Variants in DOCK8 observed in about 807,000 individuals in gnomAD.
The protein encoded by DOCK8 is dedicator of cytokinesis protein 8.
Under a neutral mutation model 245.6 loss-of-function variants are expected in DOCK8, and 141 were observed. The ratio of observed to expected loss-of-function variants is 0.57; its 90% CI spans 0.50 to 0.66. The LOEUF is 0.66. Ranked by LOEUF, DOCK8 falls within the 30% of genes least tolerant of loss-of-function variation. The pLI, the probability that DOCK8 is intolerant of heterozygous loss-of-function variation, is 0.00. For synonymous variants in DOCK8, 1,168 were observed against 970.2 expected (o/e 1.20, Z -3.79); for missense variants, 2,965 against 2,603.4 (o/e 1.14, Z -3.02).
intron 11 of DOCK8, among the ~76,000 whole-genome samples, 178 bp from the exon 12 acceptor site, chr9:336,404 A>G (rs147982463): frequency 1.5e-4 from 23 of 152,300 alleles, no homozygotes; most frequent in African/African-American, 5.3e-4. Context: ...GATTAAGGAC[A>G]CCAACAGGAG....
intron 6 of DOCK8, among the ~76,000 whole-genome samples, chr9:315,132 C>T (rs546055158): frequency 6.6e-6 from 1 of 152,260 alleles, no homozygotes; most frequent in South Asian, 2.1e-4. Context: ...CTTGGCTCAC[C>T]TAAGAAAATC....
Position 214,965 on chromosome 9 carries a change from C to G in DOCK8, c.-12C>G, listed in dbSNP as rs769683861. 6.2e-7 allele frequency: 1 copy of G among 1,602,178 alleles called. No individual in the cohort carries two copies. The highest frequency in any genetic ancestry group is 8.5e-7 in the Non-Finnish European group (1 of 1,176,678). ...CCCGCGACCCTAGAAGCCACCGAAC[C>G]GCCGGCGGGCCATGGCCACTCTGCC... On this transcript the variant is annotated 5_prime_UTR_variant, in exon 1 of 48. Coordinates refer to ENST00000432829, the MANE Select transcript of DOCK8 (RefSeq NM_203447.4).
At chr9:424,696 C>G (rs2131672419) in intron 33 of DOCK8, among the ~76,000 whole-genome samples, 1 of 152,290 alleles carries the variant, frequency 6.6e-6, no homozygotes, top group Middle Eastern at 3.4e-3. Flanking sequence ...AGGCATGAGC[C>G]ACTGCGCCTG....
chr9:394,145 C>G (rs1231375429), intron 24 of DOCK8, among the ~76,000 whole-genome samples: 1 of 152,158 alleles, frequency 6.6e-6, no homozygotes, highest in African/African-American at 2.4e-5. Context: ...TAATGATCCC[C>G]TTGTTTGTGC....
At chr9:443,245 G>C (rs911446308) in intron 42 of DOCK8, among the ~76,000 whole-genome samples, 182 bp from the exon 43 acceptor site, 7 of 152,184 alleles carry the variant, frequency 4.6e-5, no homozygotes, top group African/African-American at 1.7e-4. Flanking sequence ...CCAGTTGACA[G>C]TGCTATTTTT....
chr9:403,915 T>TATATAC (rs1431314560), intron 26 of DOCK8, among the ~76,000 whole-genome samples: 1 of 81,268 alleles, frequency 1.2e-5, no homozygotes, highest in African/African-American at 7.5e-5. Flanking sequence ...TATATATATA[T>TATATAC]ACATATATAT....
rs1320247207 is a variant in DOCK8, at chr9:215,046, G to A, written c.53+17G>A. The A allele has an allele frequency of 5.7e-6, 9 of 1,567,106 alleles. No homozygotes were observed. Among genetic ancestry groups the A allele is most frequent in the Non-Finnish European group, 6.9e-6 (8 of 1,164,830 alleles). Reference sequence around the variant, plus strand: ...GATCAACAGGTAAGACGCCCCCCGCGGCGCGCAGGTTGCGGCCGGACAGCC... The same window carrying A: ...GATCAACAGGTAAGACGCCCCCCGCAGCGCGCAGGTTGCGGCCGGACAGCC... On this transcript the variant is annotated intron_variant, in intron 1 of 47. Transcript: ENST00000432829.
At chr9:239,198 TACAC>T (rs530820594) in intron 1 of DOCK8, among the ~76,000 whole-genome samples, 49 of 152,292 alleles carry the variant, frequency 3.2e-4, no homozygotes, top group East Asian at 2.1e-3. Flanking sequence ...CTGAAACACA[TACAC>T]ACACGCATGG....
At chr9:359,717 C>T (rs939017739) in intron 14 of DOCK8, among the ~76,000 whole-genome samples, 11 of 151,204 alleles carry the variant, frequency 7.3e-5, no homozygotes, top group Admixed American at 5.9e-4. Context: ...CCAACCTTTT[C>T]CTGTAGTTTT....
intron 46 of DOCK8, chr9:458,182 C>G (rs1325740255): frequency 3.3e-5 from 5 of 152,176 alleles, no homozygotes; most frequent in Admixed American, 2.6e-4. Flanking sequence ...ATCAGAGACC[C>G]TGGTTCTTTT....
intron 1 of DOCK8, among the ~76,000 whole-genome samples, chr9:234,986 T>C (rs2047211648): frequency 2.0e-5 from 3 of 152,204 alleles, no homozygotes; most frequent in Non-Finnish European, 1.5e-5. Context: ...ATTTTTAGAG[T>C]TTCCAGTTTT....
chr9:379,900 G>A lies in DOCK8; in HGVS notation c.2570G>A (p.Arg857His), dbSNP rs754604696. 7 of 1,613,980 alleles carry A rather than the reference G, an allele frequency of 4.3e-6. No individual in the cohort carries two copies. Among genetic ancestry groups the A allele is most frequent in the African/African-American group, 1.3e-5 (1 of 74,946 alleles). The change falls in exon 21 of 48, where the codon CGC (arginine) becomes CAC (histidine). Residue 857 changes from arginine to histidine, a missense_variant. This residue lies in a region of DOCK8 where 2,825 missense variants were observed against 2,453.5 expected (regional missense o/e 1.15). Coordinates refer to ENST00000432829, the MANE Select transcript of DOCK8 (RefSeq NM_203447.4). ...GCTTCCTACGTGCACTACGTCTTCC[G>A]CCTGCCAGAGGTGCAAAGGGATGTG... is the stretch of plus-strand genomic sequence containing the variant. ...LLASYVHYVF[R>H]LPEVQRDVPK...
intron 1 of DOCK8, among the ~76,000 whole-genome samples, chr9:244,593 C>A (rs1322427297): frequency 6.6e-6 from 1 of 152,088 alleles, no homozygotes; most frequent in Non-Finnish European, 1.5e-5. Context: ...GTTTTGCTCA[C>A]CTTTGAATTT....
intron 1 of DOCK8, among the ~76,000 whole-genome samples, chr9:238,342 T>A (rs1251901138): frequency 5.9e-5 from 9 of 152,162 alleles, no homozygotes; most frequent in Non-Finnish European, 1.3e-4. Flanking sequence ...AAAGACATAT[T>A]AATGAAACAT....
rs201519202 is a variant in DOCK8 at position 433,903 on chromosome 9, G to C, written c.4814G>C (p.Ser1605Thr). Reference sequence around the variant, plus strand: ...GAGGAACTTCTCTGTAATCTGAATAGCATCTTATATGACACAGTGAAAATG... The same window carrying C: ...GAGGAACTTCTCTGTAATCTGAATACCATCTTATATGACACAGTGAAAATG... ...QVEELLCNLN[S>T]ILYDTVKMRE... Residue 1605 changes from serine (S) to threonine (T), a missense_variant, in exon 38 of 48, where the codon AGC becomes ACC. Transcript: ENST00000432829. 1.9e-6 allele frequency: 3 copies of C among 1,614,062 alleles called. No individual in the cohort carries two copies. The highest frequency in any genetic ancestry group is 2.5e-6 in the Non-Finnish European group (3 of 1,179,950).
At chr9:248,300 G>A (rs187401618) in intron 1 of DOCK8, among the ~76,000 whole-genome samples, 44 of 152,316 alleles carry the variant, frequency 2.9e-4, no homozygotes, top group Middle Eastern at 3.4e-3. Context: ...CCTTTAAGCC[G>A]TCAATACTGA....
At chr9:428,278 A>G in intron 34 of DOCK8, 84 bp from the exon 35 acceptor site, 1 of 1,605,662 alleles carries the variant, frequency 6.2e-7, no homozygotes, top group East Asian at 2.2e-5. Context: ...ATGGAACATC[A>G]GCATTACTGA....
At position 280,571 on chromosome 9, in the gene DOCK8, C is replaced by G. The variant is rs556107945; in HGVS notation, c.157-5890C>G. Among the ~76,000 whole-genome samples the G allele has an allele frequency of 3.3e-5, 5 of 152,342 alleles. No individual in the cohort carries two copies. The South Asian group carries it at 1.0e-3, about 32-fold the overall frequency. Reference sequence around the variant, plus strand: ...CACAAGCTGAAGCCTGGAGTCTGAACTGCCAGAGAGCCTCTACCTTCTTAG... The same window carrying G: ...CACAAGCTGAAGCCTGGAGTCTGAAGTGCCAGAGAGCCTCTACCTTCTTAG... On this transcript the variant is annotated intron_variant, in intron 2 of 47. Transcript: ENST00000432829.
intron 1 of DOCK8, among the ~76,000 whole-genome samples, chr9:239,688 C>T (rs757605569): frequency 6.6e-6 from 1 of 152,092 alleles, no homozygotes; most frequent in Non-Finnish European, 1.5e-5. Context: ...CTTTAAAAAT[C>T]AAAATTATCT....
Sources: gnomAD v4.1 joint callset for allele counts (sites outside exome capture counted in the v4.1 genomes callset) on GRCh38, gnomAD v4.1.1 for gene constraint, gnomAD v4.1.1 regional missense constraint, MANE v1.5 for transcripts, NCBI Gene and HGNC (gene_info 2026-07-23, HGNC 2026-07-21) for gene names.